The following ROBO2 variants were observed in gnomAD, a reference collection of about 807,000 sequenced individuals.
ROBO2 encodes roundabout homolog 2.
In ROBO2, 53 loss-of-function variants were observed where a neutral mutation model predicts 160.8. The ratio of observed to expected loss-of-function variants is 0.33; its 90% CI spans 0.26 to 0.41. ROBO2 has a LOEUF of 0.41. ROBO2 is among the 10% of genes least tolerant of loss of function. The pLI is 1.00. For missense variants in ROBO2, 1,577 were observed against 1,722.4 expected (o/e 0.92, Z 1.49); for synonymous variants, 664 against 611.7 (o/e 1.09, Z -1.26).
chr3:77,406,300 A>G (rs2076249822), intron 2 of ROBO2, among the ~76,000 whole-genome samples: 1 of 152,154 alleles, frequency 6.6e-6, no homozygotes, highest in South Asian at 2.1e-4. Context: ...GATATATGGG[A>G]TTATAATTCG....
intron 2 of ROBO2, among the ~76,000 whole-genome samples, chr3:76,182,549 T>G (rs1029791636): frequency 6.6e-6 from 1 of 152,058 alleles, no homozygotes; most frequent in Non-Finnish European, 1.5e-5. Flanking sequence ...CCTGTGTCCC[T>G]CCAGTAAGCC....
At chr3:76,398,251 C>T (rs1222753157) in intron 2 of ROBO2, among the ~76,000 whole-genome samples, 1 of 149,148 alleles carries the variant, frequency 6.7e-6, no homozygotes, top group East Asian at 2.0e-4. Context: ...TGCATGTTCT[C>T]ACTCATAGGT....
chr3:76,328,087 C>T (rs2073168591), intron 2 of ROBO2, among the ~76,000 whole-genome samples: 1 of 151,976 alleles, frequency 6.6e-6, no homozygotes, highest in Non-Finnish European at 1.5e-5. Context: ...TTAAGAAGTC[C>T]CAGATTTCAG....
chr3:76,624,796 C>CA lies in ROBO2; in HGVS notation c.110-473180dup, dbSNP rs57920315. 2.8e-4 allele frequency among the ~76,000 whole-genome samples: 13 copies of CA among 46,324 alleles called. 2 individuals carry two copies. Among genetic ancestry groups the CA allele is most frequent in the African/African-American group, 1.1e-3 (11 of 9,710 alleles). 30.4% of individuals were successfully genotyped at this position (46,324 alleles called of 152,430 possible). On this transcript the variant is annotated intron_variant, in intron 2 of 26. Transcript: ENST00000487694. Reference sequence around the variant, plus strand: ...TGAGTGACAGAGTGAGACTCCGTCTCAAAAAAAAAAAAAAAAAAAAAAAAA... The same window carrying CA: ...TGAGTGACAGAGTGAGACTCCGTCTCAAAAAAAAAAAAAAAAAAAAAAAAAA...
chr3:76,722,322 A>G (rs889968893), intron 2 of ROBO2, among the ~76,000 whole-genome samples: 1 of 152,072 alleles, frequency 6.6e-6, no homozygotes, highest in Admixed American at 6.6e-5. Flanking sequence ...GGGTTTCGCA[A>G]TGTTGGCCAG....
At chr3:76,394,860 C>G (rs887317722) in intron 2 of ROBO2, among the ~76,000 whole-genome samples, 17 of 152,180 alleles carry the variant, frequency 1.1e-4, no homozygotes, top group African/African-American at 4.1e-4. Flanking sequence ...GACTTAGATT[C>G]CCACACAATA....
At chr3:77,358,355 C>T in intron 2 of ROBO2, among the ~76,000 whole-genome samples, 1 of 152,100 alleles carries the variant, frequency 6.6e-6, no homozygotes. Context: ...TTTATAACAA[C>T]ACTGCTTAGA....
chr3:76,105,641 G>A lies in ROBO2; in HGVS notation c.109+168039G>A, dbSNP rs552325263. On this transcript the variant is annotated intron_variant, in intron 2 of 26. Transcript: ENST00000487694. ...GGCTTACAGGGTGAGGAGTCTTTGT[G>A]CAGCAACAATATACTTATGAGTTCT... Among the ~76,000 whole-genome samples the A allele has an allele frequency of 5.9e-5, 9 of 152,114 alleles. No individual in the cohort carries two copies. In the South Asian group the frequency reaches 6.2e-4, roughly 10 times the overall value.
chr3:76,702,467 A>G (rs1336566431), intron 2 of ROBO2, among the ~76,000 whole-genome samples: 1 of 152,078 alleles, frequency 6.6e-6, no homozygotes, highest in East Asian at 1.9e-4. Context: ...ACAAACAAAC[A>G]GAAAACCACA....
intron 2 of ROBO2, among the ~76,000 whole-genome samples, chr3:77,164,346 G>A (rs888681729): frequency 2.2e-4 from 33 of 152,232 alleles, no homozygotes; most frequent in Non-Finnish European, 4.0e-4. Flanking sequence ...TAAATAGTAG[G>A]GCCAGGCTGG....
chr3:76,932,397 T>C (rs142066885), intron 2 of ROBO2, among the ~76,000 whole-genome samples: 56 of 150,548 alleles, frequency 3.7e-4, no homozygotes, highest in South Asian at 8.5e-4. Flanking sequence ...GATATTATCA[T>C]TCATGATTGC....
chr3:76,402,364 C>T (rs1220594443), intron 2 of ROBO2, among the ~76,000 whole-genome samples: 1 of 151,478 alleles, frequency 6.6e-6, no homozygotes, highest in African/African-American at 2.4e-5. Context: ...TGTAATTGTG[C>T]ATTCAGGTGG....
intron 2 of ROBO2, among the ~76,000 whole-genome samples, chr3:76,165,522 A>G (rs933475675): frequency 6.6e-6 from 1 of 152,034 alleles, no homozygotes; most frequent in Admixed American, 6.6e-5. Flanking sequence ...CTTAACATTC[A>G]TTTGTTCACT....
chr3:76,032,642 T>G (rs1419211547), intron 2 of ROBO2, among the ~76,000 whole-genome samples: 1 of 152,186 alleles, frequency 6.6e-6, no homozygotes, highest in Admixed American at 6.5e-5. Flanking sequence ...AGCAGGTTGT[T>G]TAGTTTCCAT....
At chr3:76,639,404 A>G (rs1226835546) in intron 2 of ROBO2, among the ~76,000 whole-genome samples, 1 of 151,952 alleles carries the variant, frequency 6.6e-6, no homozygotes, top group Non-Finnish European at 1.5e-5. Context: ...ATATATACAC[A>G]TACATACATA....
intron 2 of ROBO2, among the ~76,000 whole-genome samples, chr3:76,645,555 T>C (rs1166306703): frequency 6.6e-6 from 1 of 152,080 alleles, no homozygotes; most frequent in Non-Finnish European, 1.5e-5. Flanking sequence ...AGGAAAGTAA[T>C]ATAGTGAACT....
chr3:76,840,721 G>A (rs2148466308), intron 2 of ROBO2, among the ~76,000 whole-genome samples: 1 of 148,278 alleles, frequency 6.7e-6, no homozygotes, highest in East Asian at 2.0e-4. Flanking sequence ...TCAATTGAAA[G>A]TAACCAAAAT....
chr3:76,188,513 A>G (rs1024879711), intron 2 of ROBO2, among the ~76,000 whole-genome samples: 1 of 152,152 alleles, frequency 6.6e-6, no homozygotes, highest in Admixed American at 6.6e-5. Flanking sequence ...CTTGAGGGAT[A>G]TGATGCTGCT....
intron 2 of ROBO2, among the ~76,000 whole-genome samples, chr3:76,796,062 T>A (rs2063671744): frequency 1.3e-5 from 2 of 152,078 alleles, no homozygotes; most frequent in Admixed American, 1.3e-4. Context: ...GTCTCAAAAT[T>A]GAGTTTAAAA....
Sources: allele counts gnomAD v4.1 joint callset (sites outside exome capture counted in the v4.1 genomes callset), GRCh38; gene constraint gnomAD v4.1.1; transcripts MANE v1.5; gene names NCBI Gene and HGNC (gene_info 2026-07-23, HGNC 2026-07-21).